Variants in GNAO1 observed in about 807,000 individuals in gnomAD.
GNAO1 encodes the protein guanine nucleotide-binding protein G(o) subunit alpha.
For missense variants in GNAO1, 166 were observed against 478.7 expected (o/e 0.35, Z 6.10); for synonymous variants, 164 against 180.7 (o/e 0.91, Z 0.74).
chr16:56,303,606 C>G (rs1198929521), intron 3 of GNAO1, among the ~76,000 whole-genome samples: 1 of 152,218 alleles, frequency 6.6e-6, no homozygotes, highest in African/African-American at 2.4e-5. Context: ...TCGTGACTGT[C>G]AGACAGTTTA....
At chr16:56,340,984 A>G (rs1340835270) in intron 6 of GNAO1, 1 of 1,613,208 alleles carries the variant, frequency 6.2e-7, no homozygotes. Context: ...TCCTGAATAT[A>G]CAGGTAGAGA....
At chr16:56,334,698 T>C in intron 4 of GNAO1, 31 bp from the exon 5 acceptor site, 1 of 1,612,736 alleles carries the variant, frequency 6.2e-7, no homozygotes, top group Non-Finnish European at 8.5e-7. Context: ...AGGCATTTGG[T>C]CCATAGTCCC....
At chr16:56,344,805 T>G in intron 6 of GNAO1, 3 of 985,428 alleles carry the variant, frequency 3.0e-6, no homozygotes, top group Non-Finnish European at 3.6e-6. Context: ...TGAATAGATA[T>G]GTTTTTCCTT....
intron 2 of GNAO1, among the ~76,000 whole-genome samples, chr16:56,235,862 G>C (rs2036632859): frequency 6.6e-6 from 1 of 152,202 alleles, no homozygotes; most frequent in Non-Finnish European, 1.5e-5. Flanking sequence ...GGATTTCTTG[G>C]CTCTGTGTGA....
chr16:56,253,583 A>G (rs1238051393), intron 2 of GNAO1, among the ~76,000 whole-genome samples: 1 of 152,182 alleles, frequency 6.6e-6, no homozygotes, highest in Non-Finnish European at 1.5e-5. Flanking sequence ...GTCACTCTTC[A>G]TCTGTTTGGT....
intron 6 of GNAO1, 103 bp downstream of exon 6, chr16:56,336,963 G>A (rs560924276): frequency 2.7e-6 from 3 of 1,126,916 alleles, no homozygotes; most frequent in East Asian, 5.2e-5. Context: ...CAATGGCTCT[G>A]GGGTCCAGCC....
intron 2 of GNAO1, among the ~76,000 whole-genome samples, chr16:56,220,121 C>T (rs2036470361): frequency 6.6e-6 from 1 of 152,112 alleles, no homozygotes; most frequent in Admixed American, 6.5e-5. Context: ...TTTGGACAGC[C>T]ATGTGAACAG....
chr16:56,347,836 G>C (rs1387032267), intron 6 of GNAO1: 34 of 977,966 alleles, frequency 3.5e-5, no homozygotes, highest in Non-Finnish European at 4.0e-5. Context: ...GCTCTGGGCA[G>C]CCAGGCCCTC....
intron 2 of GNAO1, among the ~76,000 whole-genome samples, chr16:56,211,808 G>A (rs1340881174): frequency 6.6e-6 from 1 of 152,228 alleles, no homozygotes; most frequent in Non-Finnish European, 1.5e-5. Context: ...CTGCATACAA[G>A]GAGAGGGTTT....
Position 56,191,773 on chromosome 16 carries a change from A to C in GNAO1, c.-463A>C. 1 of 208,618 alleles carries C rather than the reference A, an allele frequency of 4.8e-6. No homozygotes were observed. Among genetic ancestry groups the C allele is most frequent in the Non-Finnish European group, 9.4e-6 (1 of 106,660 alleles). The allele number at this position is 208,618 out of a possible 1,614,324, so 12.9% of individuals were successfully genotyped here. A position where few individuals can be genotyped will look rare whatever the true frequency, so the allele number is the denominator to read the frequency against. ...CCGCGCCGCCGCCGCCGCCTCCTCC[A>C]CCTCCTCCTCCGCCGCCGCCGCCTC... On this transcript the variant is annotated 5_prime_UTR_variant, in exon 1 of 9. Coordinates refer to ENST00000262493, the MANE Select transcript of GNAO1 (RefSeq NM_020988.3). This position sits in a 1 kb window ranked among gnomAD's most constrained non-coding sequence, Gnocchi z 4.7.
chr16:56,325,471 C>T (rs2037621980), intron 3 of GNAO1, among the ~76,000 whole-genome samples: 1 of 152,162 alleles, frequency 6.6e-6, no homozygotes, highest in Non-Finnish European at 1.5e-5. Context: ...AGCAAAACTC[C>T]ATCTCAAATT....
In GNAO1 at chr16:56,191,988, C is replaced by T; in HGVS notation, c.-248C>T. ...CCCTTGGCTCCGGAGCCCCAGACCCCGGCCACCCTCGATTCGACAACCCCA... is the reference window on the plus strand; with the variant it reads ...CCCTTGGCTCCGGAGCCCCAGACCCTGGCCACCCTCGATTCGACAACCCCA... On this transcript the variant is annotated 5_prime_UTR_variant, in exon 1 of 9. Coordinates refer to ENST00000262493, the MANE Select transcript of GNAO1 (RefSeq NM_020988.3). The surrounding 1 kb of genome is among the most constrained non-coding windows in gnomAD (Gnocchi z 4.7). 1.9e-6 allele frequency: 1 copy of T among 540,500 alleles called. No individual in the cohort carries two copies. Among genetic ancestry groups the T allele is most frequent in the Non-Finnish European group, 3.3e-6 (1 of 306,316 alleles). The allele number at this position is 540,500 out of a possible 1,614,324, so 33.5% of individuals were successfully genotyped here.
rs2037847726 is a variant in GNAO1, at chr16:56,344,869, T to TGTGGTTGCAGAGGTCTA, written c.724-6513_724-6497dup. On this transcript the variant is annotated intron_variant, in intron 6 of 8. Transcript: ENST00000262493. Reference sequence around the variant, plus strand: ...GCAAAGGCCTTTGGGCTGGGGATTCTGTGGTTGCAGAGGTCTAGAGGGGGT... The same window carrying TGTGGTTGCAGAGGTCTA: ...GCAAAGGCCTTTGGGCTGGGGATTCTGTGGTTGCAGAGGTCTAGTGGTTGCAGAGGTCTAGAGGGGGT... The TGTGGTTGCAGAGGTCTA allele has an allele frequency of 8.1e-6, 8 of 985,500 alleles. No individual in the cohort carries two copies. The South Asian group carries it at 3.8e-4, about 46-fold the overall frequency. The allele number at this position is 985,500 out of a possible 1,614,324, so 61.0% of individuals were successfully genotyped here.
At chr16:56,228,724 A>G (rs982629915) in intron 2 of GNAO1, among the ~76,000 whole-genome samples, 2 of 152,194 alleles carry the variant, frequency 1.3e-5, no homozygotes, top group Admixed American at 1.3e-4. Context: ...CACTTGCAGC[A>G]TGCTGTGGGC....
At chr16:56,200,953 G>C (rs1321658170) in intron 2 of GNAO1, among the ~76,000 whole-genome samples, 1 of 152,198 alleles carries the variant, frequency 6.6e-6, no homozygotes, top group Non-Finnish European at 1.5e-5. Flanking sequence ...GTGTCTTGGA[G>C]AACTATGGAA....
intron 6 of GNAO1, chr16:56,340,795 A>C: frequency 6.3e-7 from 1 of 1,598,378 alleles, no homozygotes; most frequent in South Asian, 1.1e-5. Context: ...AGGGCCCTGG[A>C]TGCTGCCGCC....
chr16:56,192,773 C>T, intron 2 of GNAO1, 157 bp downstream of exon 2: 1 of 628,694 alleles, frequency 1.6e-6, no homozygotes, highest in Non-Finnish European at 2.9e-6. Flanking sequence ...ACTCCCCTCC[C>T]CCACTCCCTA....
chr16:56,192,890 A>G, intron 2 of GNAO1: 2 of 470,810 alleles, frequency 4.2e-6, no homozygotes, highest in Non-Finnish European at 3.8e-6. Context: ...TATTGATCAG[A>G]ACATCACACT....
At position 56,328,716 on chromosome 16, in the gene GNAO1, G is replaced by A. The variant is rs200127285; in HGVS notation, c.389G>A (p.Arg130Gln). The change falls in exon 4 of 9, where the codon CGG becomes CAG. Residue 130 changes from arginine (R) to glutamine (Q), a missense_variant. Physicochemically the swap from Arg to Gln is conservative, Grantham distance 43. Coordinates refer to ENST00000262493, the MANE Select transcript of GNAO1 (RefSeq NM_020988.3). ...FSAELLSAMMRLWGDSGIQEC... is the reference protein window; with the variant it reads ...FSAELLSAMMQLWGDSGIQEC... ...GCAGAGCTGCTTTCTGCCATGATGCGGCTCTGGGGCGACTCAGGAATCCAA... is the reference window on the plus strand; with the variant it reads ...GCAGAGCTGCTTTCTGCCATGATGCAGCTCTGGGGCGACTCAGGAATCCAA... 68 of 1,614,220 alleles carry A rather than the reference G, an allele frequency of 4.2e-5. No individual in the cohort carries two copies. In the Middle Eastern group the frequency reaches 9.9e-4, roughly 23 times the overall value.
Sources: allele counts gnomAD v4.1 joint callset (sites outside exome capture counted in the v4.1 genomes callset), GRCh38; gene constraint gnomAD v4.1.1; non-coding constraint Gnocchi (gnomAD v3.1); transcripts MANE v1.5; gene names NCBI Gene and HGNC (gene_info 2026-07-23, HGNC 2026-07-21).